The following BTBD16 variants were observed in gnomAD, a reference collection of about 807,000 sequenced individuals.
The protein encoded by BTBD16 is BTB domain containing 16.
Under a neutral mutation model 67.4 loss-of-function variants are expected in BTBD16, and 66 were observed. The ratio of observed to expected loss-of-function variants is 0.98; its 90% confidence interval spans 0.80 to 1.20. BTBD16 has a LOEUF of 1.20. Ranked by LOEUF, BTBD16 falls within the 50% of genes most tolerant of loss-of-function variation. The pLI, the probability that BTBD16 is intolerant of heterozygous loss-of-function variation, is 0.00. For synonymous variants in BTBD16, 242 were observed against 236.4 expected, an observed-to-expected ratio of 1.02 and a Z score of -0.22; for missense variants, 634 against 616.0, an observed-to-expected ratio of 1.03 and a Z score of -0.31.
At chr10:122,326,446 G>A (rs545812557) in intron 10 of BTBD16, among the ~76,000 whole-genome samples, 107 of 152,012 alleles carry the variant, frequency 7.0e-4, no homozygotes, top group Non-Finnish European at 1.2e-3. Flanking sequence ...TCACCCTTGC[G>A]CCTGGCTTAC....
At chr10:122,322,051 G>A (rs987670522) in intron 10 of BTBD16, among the ~76,000 whole-genome samples, 37 of 152,036 alleles carry the variant, frequency 2.4e-4, no homozygotes, top group Admixed American at 3.3e-4. Flanking sequence ...TTTCATATCA[G>A]ATATTGATAA....
intron 7 of BTBD16, 164 bp from the exon 8 acceptor site, chr10:122,297,604 A>G (rs1228948719): frequency 9.9e-6 from 2 of 201,414 alleles, no homozygotes; most frequent in African/African-American, 2.4e-5. Context: ...CTAACAAGCC[A>G]TGTTGGTCTT....
intron 9 of BTBD16, among the ~76,000 whole-genome samples, chr10:122,301,657 A>G (rs372428596): frequency 1.5e-4 from 23 of 152,252 alleles, no homozygotes; most frequent in African/African-American, 5.5e-4. Flanking sequence ...AGGGCTTCTC[A>G]TATTAGGGTG....
At chr10:122,281,614 T>C (rs556869341) in intron 3 of BTBD16, among the ~76,000 whole-genome samples, 1 of 152,264 alleles carries the variant, frequency 6.6e-6, no homozygotes, top group African/African-American at 2.4e-5. Context: ...TTGATACCTT[T>C]CACAGAGACA....
intron 8 of BTBD16, 110 bp downstream of exon 8, chr10:122,297,947 A>C: frequency 1.1e-6 from 1 of 888,978 alleles, no homozygotes; most frequent in South Asian, 1.6e-5. Flanking sequence ...TATCTATTTG[A>C]AGTCATCAAA....
intron 5 of BTBD16, 30 bp downstream of exon 5, chr10:122,286,278 G>A: frequency 6.3e-7 from 1 of 1,580,938 alleles, no homozygotes; most frequent in Non-Finnish European, 8.6e-7. Context: ...CAGTGCTGGA[G>A]CCCCAGTGCC....
intron 9 of BTBD16, among the ~76,000 whole-genome samples, chr10:122,304,616 G>A (rs896590720): frequency 4.1e-5 from 6 of 144,712 alleles, no homozygotes; most frequent in African/African-American, 7.8e-5. Flanking sequence ...GTGCAGTGGC[G>A]TGATCTCTGC....
At chr10:122,275,203 A>T in intron 2 of BTBD16, 104 bp downstream of exon 2, 1 of 1,123,508 alleles carries the variant, frequency 8.9e-7, no homozygotes, top group Non-Finnish European at 1.3e-6. Context: ...ACCACCGAGG[A>T]CCTCAAGCAT....
At chr10:122,282,976 A>C (rs1438751597) in intron 3 of BTBD16, among the ~76,000 whole-genome samples, 1 of 152,214 alleles carries the variant, frequency 6.6e-6, no homozygotes, top group Non-Finnish European at 1.5e-5. Context: ...TGAAAGCAGC[A>C]GTTGGCAGGT....
At chr10:122,279,423 C>T (rs2096347503) in intron 3 of BTBD16, among the ~76,000 whole-genome samples, 1 of 151,376 alleles carries the variant, frequency 6.6e-6, no homozygotes, top group Non-Finnish European at 1.5e-5. Context: ...AGGCTGCATG[C>T]AGTGACCTAT....
chr10:122,329,558 C>G lies in BTBD16; in HGVS notation c.990C>G (p.His330Gln). 7.4e-6 allele frequency: 12 copies of G among 1,613,780 alleles called. No homozygotes were observed. The highest frequency in any genetic ancestry group is 1.0e-5 in the Non-Finnish European group (12 of 1,180,008). ...LRPLFLCLRL[H>Q]GITKGKDLEV... is the part of the protein sequence containing the mutation. The stretch of plus-strand genomic sequence containing the variant: ...CGCTCTTCCTCTGCTTGCGTCTGCA[C>G]GGCATCACCAAAGGTAAGCCCCAGT... The change falls in exon 11 of 16, where the codon CAC becomes CAG. Residue 330 changes from histidine to glutamine, a missense_variant. Coordinates refer to ENST00000260723, the MANE Select transcript of BTBD16 (RefSeq NM_144587.5).
At chr10:122,279,940 G>A (rs7086791) in intron 3 of BTBD16, among the ~76,000 whole-genome samples, 32,998 of 151,996 alleles carry the variant, frequency 0.22, 3,696 homozygotes, top group South Asian at 0.28. Flanking sequence ...CGTCTATTTC[G>A]GGTATGTAAT....
At chr10:122,285,389 T>A (rs2096361686) in intron 4 of BTBD16, among the ~76,000 whole-genome samples, 1 of 152,130 alleles carries the variant, frequency 6.6e-6, no homozygotes, top group Admixed American at 6.5e-5. Context: ...CTGAAGAAAG[T>A]CTTCTACAGT....
chr10:122,275,241 C>T (rs939704776), intron 2 of BTBD16, 142 bp downstream of exon 2: 12 of 810,366 alleles, frequency 1.5e-5, no homozygotes, highest in South Asian at 6.1e-5. Context: ...GGAAAGAGCG[C>T]GTCCAGGCAG....
In BTBD16 at chr10:122,303,650, C is replaced by A. The variant is rs531263737; in HGVS notation, c.792-3539C>A. Reference sequence around the variant, plus strand: ...ACTTTTATTGTTTATATATAATTTTCTCAGTGAAAAATAGAGGACAGTGTC... The same window carrying A: ...ACTTTTATTGTTTATATATAATTTTATCAGTGAAAAATAGAGGACAGTGTC... On this transcript the variant is annotated intron_variant, in intron 9 of 15. Coordinates refer to ENST00000260723, the MANE Select transcript of BTBD16 (RefSeq NM_144587.5). 2.9e-5 allele frequency: 25 copies of A among 862,672 alleles called. No individual in the cohort carries two copies. The African/African-American group carries it at 4.6e-4, about 16-fold the overall frequency. 53.4% of individuals were successfully genotyped at this position (862,672 alleles called of 1,614,324 possible). A position where few individuals can be genotyped will look rare whatever the true frequency, so the allele number is the denominator to read the frequency against.
In BTBD16 at chr10:122,289,867, G is replaced by A. The variant is rs747302931; in HGVS notation, c.386-42G>A. 12 of 1,522,166 alleles carry A rather than the reference G, an allele frequency of 7.9e-6. No homozygotes were observed. The East Asian group carries it at 9.0e-5, about 11-fold the overall frequency. 94.3% of individuals were successfully genotyped at this position (1,522,166 alleles called of 1,614,324 possible). On this transcript the variant is annotated intron_variant, in intron 5 of 15. Coordinates refer to ENST00000260723, the MANE Select transcript of BTBD16 (RefSeq NM_144587.5). ...GTGCCTCCCACTGTGTCTTCACCACGGTTATCACATCCTGCCATCATCATC... is the reference window on the plus strand; with the variant it reads ...GTGCCTCCCACTGTGTCTTCACCACAGTTATCACATCCTGCCATCATCATC...
At chr10:122,277,536 C>T (rs1007144018) in intron 3 of BTBD16, among the ~76,000 whole-genome samples, 4 of 152,074 alleles carry the variant, frequency 2.6e-5, no homozygotes, top group Admixed American at 6.6e-5. Context: ...AGAAGCATGG[C>T]GCCAGCATCT....
intron 8 of BTBD16, 51 bp downstream of exon 8, chr10:122,297,888 G>A (rs764303812): frequency 1.9e-6 from 3 of 1,565,088 alleles, no homozygotes; most frequent in East Asian, 4.5e-5. Flanking sequence ...GCCTTCAGGA[G>A]CAGCCTAGAT....
chr10:122,331,450 T>C (rs909325676), intron 12 of BTBD16, among the ~76,000 whole-genome samples, 192 bp downstream of exon 12: 1 of 152,134 alleles, frequency 6.6e-6, no homozygotes, highest in East Asian at 1.9e-4. Context: ...AGCCTTGGAA[T>C]CCGGGTAGTT....
Sources: allele counts gnomAD v4.1 joint callset (sites outside exome capture counted in the v4.1 genomes callset), GRCh38; gene constraint gnomAD v4.1.1; transcripts MANE v1.5; gene names NCBI Gene and HGNC (gene_info 2026-07-23, HGNC 2026-07-21).